AUTS2: variants seen among roughly 807,000 people sequenced by gnomAD.
AUTS2 encodes the protein activator of transcription and developmental regulator AUTS2.
Under a neutral mutation model 112.4 loss-of-function variants are expected in AUTS2, and 17 were observed. The ratio of observed to expected loss-of-function variants is 0.15; its 90% CI spans 0.10 to 0.23. The LOEUF (loss-of-function observed/expected upper bound fraction) is 0.23, where lower values mean the gene tolerates loss of function less well. AUTS2 is among the 10% of genes least tolerant of loss of function. The pLI, the probability that AUTS2 is intolerant of heterozygous loss-of-function variation, is 1.00. For missense variants in AUTS2, 1,510 were observed against 1,701.6 expected (o/e 0.89, Z 1.98); for synonymous variants, 751 against 702.7 (o/e 1.07, Z -1.09).
chr7:69,878,498 G>A (rs1357329477), intron 1 of AUTS2, among the ~76,000 whole-genome samples: 1 of 152,150 alleles, frequency 6.6e-6, no homozygotes, highest in Non-Finnish European at 1.5e-5. Context: ...TCTCTTGAAA[G>A]TGGTGTCTCC....
intron 4 of AUTS2, among the ~76,000 whole-genome samples, chr7:70,247,584 A>G (rs933120433): frequency 3.9e-5 from 6 of 152,198 alleles, no homozygotes; most frequent in Admixed American, 3.9e-4. Flanking sequence ...GTGTATAGAA[A>G]TACACTTGAT....
At chr7:69,936,028 G>A (rs970510995) in intron 2 of AUTS2, among the ~76,000 whole-genome samples, 1 of 152,210 alleles carries the variant, frequency 6.6e-6, no homozygotes, top group Non-Finnish European at 1.5e-5. Context: ...ATAACAATGA[G>A]TTCTGTGTAT....
intron 1 of AUTS2, among the ~76,000 whole-genome samples, chr7:69,759,847 T>C (rs1031315625): frequency 7.6e-6 from 1 of 130,786 alleles, no homozygotes; most frequent in Non-Finnish European, 1.5e-5. Flanking sequence ...GACTCTACTC[T>C]TCATGTCTTC....
At chr7:70,182,819 G>A (rs1490478608) in intron 4 of AUTS2, among the ~76,000 whole-genome samples, 1 of 151,874 alleles carries the variant, frequency 6.6e-6, no homozygotes, top group African/African-American at 2.4e-5. Context: ...CACCTTAGTA[G>A]GATTGAACTA....
At chr7:70,161,734 C>T (rs986068285) in intron 4 of AUTS2, among the ~76,000 whole-genome samples, 31 of 151,822 alleles carry the variant, frequency 2.0e-4, no homozygotes, top group African/African-American at 7.3e-4. Flanking sequence ...ACTTCCCAGC[C>T]CCTTTGGAGT....
At chr7:70,117,117 G>GTTTTTTTTT (rs60488343) in intron 2 of AUTS2, among the ~76,000 whole-genome samples, 3 of 73,102 alleles carry the variant, frequency 4.1e-5, no homozygotes, top group African/African-American at 1.2e-4. Flanking sequence ...TTTTTTTTTT[G>GTTTTTTTTT]TTTTTTTTTG....
chr7:69,885,321 G>C lies in AUTS2; in HGVS notation c.310-13965G>C, dbSNP rs1478721896. Among the ~76,000 whole-genome samples, 3 of 151,994 alleles carry C rather than the reference G, an allele frequency of 2.0e-5. No homozygotes were observed. In the East Asian group the frequency reaches 5.8e-4, roughly 29 times the overall value. ...TAAGGTCAGAAAGGTGTCATTCCCTGCCACTTTTCACCTCTTAAATAAATC... is the reference window on the plus strand; with the variant it reads ...TAAGGTCAGAAAGGTGTCATTCCCTCCCACTTTTCACCTCTTAAATAAATC... On this transcript the variant is annotated intron_variant, in intron 1 of 18. Coordinates refer to ENST00000342771, the MANE Select transcript of AUTS2 (RefSeq NM_015570.4).
chr7:69,923,205 T>C (rs887626741), intron 2 of AUTS2, among the ~76,000 whole-genome samples: 7 of 152,212 alleles, frequency 4.6e-5, no homozygotes, highest in African/African-American at 1.7e-4. Context: ...ATATGGATAT[T>C]CAATTTTTCT....
At chr7:70,705,859 T>A (rs1416047360) in intron 6 of AUTS2, among the ~76,000 whole-genome samples, 1 of 152,176 alleles carries the variant, frequency 6.6e-6, no homozygotes, top group East Asian at 1.9e-4. Context: ...AAGAAGTCAA[T>A]CCCTCGTGGG....
rs1232220351 is a variant in AUTS2, at chr7:70,773,950, T to C, written c.1831-78T>C. 10 of 1,358,186 alleles carry C rather than the reference T, an allele frequency of 7.4e-6. No homozygotes were observed. In the African/African-American group the frequency reaches 1.1e-4, roughly 16 times the overall value. 84.1% of individuals were successfully genotyped at this position (1,358,186 alleles called of 1,614,324 possible). A position where few individuals can be genotyped will look rare whatever the true frequency, so the allele number is the denominator to read the frequency against. On this transcript the variant is annotated intron_variant, in intron 11 of 18. Transcript: ENST00000342771. Reference sequence around the variant, plus strand: ...CAAATGAAGTTTGGCTTCTCTCATTTAGCAGAAGGGAAGGATCTTGCTTTC... The same window carrying C: ...CAAATGAAGTTTGGCTTCTCTCATTCAGCAGAAGGGAAGGATCTTGCTTTC...
intron 5 of AUTS2, among the ~76,000 whole-genome samples, chr7:70,457,763 G>A (rs185711126): frequency 1.8e-4 from 27 of 152,310 alleles, no homozygotes; most frequent in Admixed American, 1.7e-3. Flanking sequence ...GACTCAGGCT[G>A]CAGTTAACTA....
intron 5 of AUTS2, among the ~76,000 whole-genome samples, chr7:70,554,393 C>CTTT (rs34757734): frequency 2.2e-4 from 26 of 116,038 alleles, no homozygotes; most frequent in Non-Finnish European, 3.1e-4. Context: ...TCTTTTCTTT[C>CTTT]TTTTTTTTTT....
At chr7:70,406,808 G>A (rs756812950) in intron 4 of AUTS2, among the ~76,000 whole-genome samples, 9 of 152,170 alleles carry the variant, frequency 5.9e-5, no homozygotes, top group Non-Finnish European at 1.0e-4. Context: ...TAAATCAGCC[G>A]ATAGCTGATA....
At chr7:70,013,952 G>A (rs544186617) in intron 2 of AUTS2, among the ~76,000 whole-genome samples, 5 of 152,192 alleles carry the variant, frequency 3.3e-5, no homozygotes, top group South Asian at 2.1e-4. Context: ...TCCTGACCTC[G>A]TGATCCACCC....
chr7:70,375,745 T>C (rs1793056083), intron 4 of AUTS2, among the ~76,000 whole-genome samples: 1 of 152,174 alleles, frequency 6.6e-6, no homozygotes, highest in African/African-American at 2.4e-5. Flanking sequence ...TGAGATTTGC[T>C]TTATTTCCTG....
chr7:69,718,165 T>G (rs909980385), intron 1 of AUTS2, among the ~76,000 whole-genome samples: 1 of 152,240 alleles, frequency 6.6e-6, no homozygotes, highest in Non-Finnish European at 1.5e-5. Flanking sequence ...ATATTACAGA[T>G]TATTATTTTA....
At chr7:70,382,872 GA>G (rs57037394) in intron 4 of AUTS2, among the ~76,000 whole-genome samples, 1 of 151,606 alleles carries the variant, frequency 6.6e-6, no homozygotes. Context: ...CATCCTTATT[GA>G]AAAAAAGTAT....
At chr7:70,711,016 C>T (rs1810019413) in intron 6 of AUTS2, among the ~76,000 whole-genome samples, 1 of 152,228 alleles carries the variant, frequency 6.6e-6, no homozygotes, top group Non-Finnish European at 1.5e-5. Flanking sequence ...TTGAGAATAA[C>T]TGGTAAAGGG....
At chr7:70,302,422 G>A (rs1789260238) in intron 4 of AUTS2, among the ~76,000 whole-genome samples, 1 of 151,758 alleles carries the variant, frequency 6.6e-6, no homozygotes, top group Admixed American at 6.6e-5. Flanking sequence ...ACAATGTAGT[G>A]AGTCATAGTT....
Sources: allele counts gnomAD v4.1 joint callset (sites outside exome capture counted in the v4.1 genomes callset), GRCh38; gene constraint gnomAD v4.1.1; transcripts MANE v1.5; gene names NCBI Gene and HGNC (gene_info 2026-07-23, HGNC 2026-07-21).